The following ANO10 variants were observed in gnomAD, a reference collection of about 807,000 sequenced individuals.
ANO10 encodes anoctamin-10.
In ANO10, 77 loss-of-function variants were observed where a neutral mutation model predicts 74.7. The ratio of observed to expected loss-of-function variants is 1.03; its 90% CI spans 0.86 to 1.25. ANO10 has a LOEUF of 1.25. Ranked by LOEUF, ANO10 falls within the 50% of genes most tolerant of loss-of-function variation. The pLI is 0.00. For missense variants in ANO10, 721 were observed against 778.1 expected (o/e 0.93, Z 0.87); for synonymous variants, 279 against 284.9 (o/e 0.98, Z 0.21).
intron 11 of ANO10, among the ~76,000 whole-genome samples, chr3:43,529,342 ACTTGAGAACTCTT>A (rs1490518796): frequency 6.6e-6 from 1 of 152,220 alleles, no homozygotes; most frequent in Non-Finnish European, 1.5e-5. Context: ...ATGTTCAAGA[ACTTGAGAACTCTT>A]CTTGAGAAAT....
chr3:43,509,137 A>C (rs1245534865), intron 11 of ANO10, among the ~76,000 whole-genome samples: 1 of 151,492 alleles, frequency 6.6e-6, no homozygotes, highest in Non-Finnish European at 1.5e-5. Flanking sequence ...CAAACACCGC[A>C]TGTTCTCAGT....
At chr3:43,456,931 C>T (rs1198170421) in intron 11 of ANO10, among the ~76,000 whole-genome samples, 1 of 152,158 alleles carries the variant, frequency 6.6e-6, no homozygotes, top group East Asian at 1.9e-4. Flanking sequence ...GTAAATCTTG[C>T]TCCAGAGCCA....
At chr3:43,683,292 C>T (rs1284166118) in intron 1 of ANO10, among the ~76,000 whole-genome samples, 1 of 152,120 alleles carries the variant, frequency 6.6e-6, no homozygotes, top group Non-Finnish European at 1.5e-5. Context: ...CAATAACAGA[C>T]AAACTGAGAG....
intron 4 of ANO10, among the ~76,000 whole-genome samples, chr3:43,590,978 G>A (rs1412411227): frequency 7.2e-5 from 11 of 152,186 alleles, no homozygotes; most frequent in Non-Finnish European, 1.6e-4. Context: ...AAAAGCAGGA[G>A]GTAAAGAAAT....
intron 12 of ANO10, among the ~76,000 whole-genome samples, chr3:43,431,022 A>C (rs1163345000): frequency 1.3e-5 from 2 of 151,290 alleles, no homozygotes; most frequent in African/African-American, 4.9e-5. Context: ...TCCTTACCAA[A>C]TTTTTTTATT....
intron 12 of ANO10, among the ~76,000 whole-genome samples, chr3:43,417,396 C>G (rs2092756551): frequency 6.6e-6 from 1 of 152,152 alleles, no homozygotes; most frequent in South Asian, 2.1e-4. Context: ...AAACGTCACA[C>G]CTGACTGAAC....
chr3:43,532,624 G>T (rs533753934), intron 11 of ANO10, among the ~76,000 whole-genome samples: 1 of 152,020 alleles, frequency 6.6e-6, no homozygotes, highest in Non-Finnish European at 1.5e-5. Context: ...TTTAATGCAC[G>T]TATAGTTTCA....
intron 1 of ANO10, among the ~76,000 whole-genome samples, chr3:43,674,217 G>GT (rs1304730994): frequency 6.6e-6 from 1 of 152,168 alleles, no homozygotes; most frequent in African/African-American, 2.4e-5. Flanking sequence ...ATAGCTCACT[G>GT]TAATGTTGAA....
rs1446707005 is a variant in ANO10, at chr3:43,582,164, GT to G, written c.473-1693del. 3.3e-5 allele frequency among the ~76,000 whole-genome samples: 5 copies of G among 152,110 alleles called. No homozygotes were observed. The East Asian group carries it at 9.7e-4, about 29-fold the overall frequency. Reference sequence around the variant, plus strand: ...CTGCAGTGTGGAATAGAAACACAAAGTTTTTGGCTGGGCGCGGTGGCTCACA... The same window carrying G: ...CTGCAGTGTGGAATAGAAACACAAAGTTTTGGCTGGGCGCGGTGGCTCACA... On this transcript the variant is annotated intron_variant, in intron 4 of 12. Transcript: ENST00000292246.
At chr3:43,428,795 G>GAAAAA (rs1245373022) in intron 12 of ANO10, among the ~76,000 whole-genome samples, 8 of 3,418 alleles carry the variant, frequency 2.3e-3, no homozygotes, top group Non-Finnish European at 3.8e-3. Context: ...CTTTGTGAAT[G>GAAAAA]CAAAAAAAAA....
chr3:43,598,725 T>A, intron 3 of ANO10, 59 bp from the exon 4 acceptor site: 1 of 1,315,030 alleles, frequency 7.6e-7, no homozygotes, highest in Non-Finnish European at 1.1e-6. Context: ...ATATTCCAAT[T>A]ACCTGAGATT....
At chr3:43,468,552 T>C (rs1267215708) in intron 11 of ANO10, among the ~76,000 whole-genome samples, 3 of 152,186 alleles carry the variant, frequency 2.0e-5, no homozygotes, top group Non-Finnish European at 4.4e-5. Context: ...AAACTTTAAA[T>C]GTAAATCAAG....
chr3:43,593,859 G>C (rs1433681839), intron 4 of ANO10, among the ~76,000 whole-genome samples: 1 of 152,154 alleles, frequency 6.6e-6, no homozygotes, highest in East Asian at 1.9e-4. Context: ...CTGTATTCAG[G>C]AGACCCATCT....
intron 12 of ANO10, among the ~76,000 whole-genome samples, chr3:43,412,888 TAAAACCACAA>T (rs910623509): frequency 2.0e-5 from 3 of 151,926 alleles, no homozygotes; most frequent in African/African-American, 7.3e-5. Flanking sequence ...CCACCTGTAC[TAAAACCACAA>T]AAATTAGCCA....
chr3:43,425,358 G>A (rs1333986327), intron 12 of ANO10, among the ~76,000 whole-genome samples: 1 of 151,510 alleles, frequency 6.6e-6, no homozygotes, highest in African/African-American at 2.4e-5. Flanking sequence ...GAGCACAAAT[G>A]GAGCGGGGGG....
chr3:43,612,118 G>A (rs1477590506), intron 1 of ANO10, among the ~76,000 whole-genome samples: 1 of 127,688 alleles, frequency 7.8e-6, no homozygotes, highest in African/African-American at 2.9e-5. Context: ...TAAGTGCAGT[G>A]GAATAAAGAA....
At chr3:43,375,852 T>C (rs568204273) in intron 12 of ANO10, among the ~76,000 whole-genome samples, 1 of 152,382 alleles carries the variant, frequency 6.6e-6, no homozygotes, top group African/African-American at 2.4e-5. Context: ...TAATGCCATA[T>C]AATATTTTTT....
chr3:43,530,065 C>T (rs1049790132), intron 11 of ANO10, among the ~76,000 whole-genome samples: 7 of 151,934 alleles, frequency 4.6e-5, no homozygotes, highest in Admixed American at 1.3e-4. Context: ...AAGGCGAAAA[C>T]TGAAGATATA....
At chr3:43,593,473 G>T (rs371652181) in intron 4 of ANO10, among the ~76,000 whole-genome samples, 2 of 152,316 alleles carry the variant, frequency 1.3e-5, no homozygotes, top group African/African-American at 2.4e-5. Context: ...TTAAAGAAAA[G>T]AATTTTCAAC....
Sources: allele counts gnomAD v4.1 joint callset (sites outside exome capture counted in the v4.1 genomes callset), GRCh38; gene constraint gnomAD v4.1.1; transcripts MANE v1.5; gene names NCBI Gene and HGNC (gene_info 2026-07-23, HGNC 2026-07-21).